The following TMEM62 variants were observed in gnomAD, a reference collection of about 807,000 sequenced individuals.
The protein encoded by TMEM62 is transmembrane protein 62.
A neutral mutation model predicts 70.4 loss-of-function variants in TMEM62; 41 were observed. The ratio of observed to expected loss-of-function variants is 0.58; its 90% confidence interval spans 0.45 to 0.76. The LOEUF (loss-of-function observed/expected upper bound fraction) is 0.76. Among genes scored for constraint, TMEM62 ranks in the 30% least tolerant of loss-of-function variants. TMEM62 has a pLI of 0.00. For missense variants in TMEM62, 688 were observed against 788.5 expected (o/e 0.87, Z 1.53); for synonymous variants, 268 against 291.0 (o/e 0.92, Z 0.80).
chr15:43,155,924 G>A (rs1301857953), intron 9 of TMEM62, among the ~76,000 whole-genome samples: 1 of 152,026 alleles, frequency 6.6e-6, no homozygotes, highest in African/African-American at 2.4e-5. Flanking sequence ...TCAATTTAGG[G>A]CATTTAATTT....
At position 43,133,755 on chromosome 15, in the gene TMEM62, C is replaced by G; in HGVS notation, c.-48C>G. ...CAAAGCGGCTCCCGGGAGCGCCGCG[C>G]GGTCCTGCGCGGGATCAGCGAGGGC... On this transcript the variant is annotated 5_prime_UTR_variant, in exon 1 of 14. Coordinates refer to ENST00000260403, the MANE Select transcript of TMEM62 (RefSeq NM_024956.4). The G allele has an allele frequency of 7.9e-7, 1 of 1,263,448 alleles. No individual in the cohort carries two copies. The highest frequency in any genetic ancestry group is 1.0e-6 in the Non-Finnish European group (1 of 996,888). The allele number at this position is 1,263,448 out of a possible 1,614,324, so 78.3% of individuals were successfully genotyped here.
At chr15:43,181,786 G>GC (rs1267965262) in intron 13 of TMEM62, among the ~76,000 whole-genome samples, 2 of 152,230 alleles carry the variant, frequency 1.3e-5, no homozygotes, top group Admixed American at 6.5e-5. Context: ...ATAGGCGTGA[G>GC]CCACCATGCC....
At chr15:43,134,497 G>A (rs1479416386) in intron 2 of TMEM62, 129 bp downstream of exon 2, 5 of 687,706 alleles carry the variant, frequency 7.3e-6, no homozygotes, top group African/African-American at 7.1e-5. Flanking sequence ...GCTCTGTGAG[G>A]TGGAAGAGAT....
At chr15:43,154,382 A>G (rs1157994850) in intron 8 of TMEM62, among the ~76,000 whole-genome samples, 2 of 152,230 alleles carry the variant, frequency 1.3e-5, no homozygotes, top group Non-Finnish European at 2.9e-5. Flanking sequence ...TTTCTTCAGA[A>G]AGAACTTTGA....
intron 9 of TMEM62, among the ~76,000 whole-genome samples, chr15:43,159,493 T>C (rs2038423669): frequency 6.6e-6 from 1 of 152,226 alleles, no homozygotes; most frequent in Non-Finnish European, 1.5e-5. Flanking sequence ...GAACAAGTGA[T>C]GTTTGTCTTT....
intron 11 of TMEM62, among the ~76,000 whole-genome samples, chr15:43,177,451 C>T (rs1226721687): frequency 6.6e-6 from 1 of 152,178 alleles, no homozygotes; most frequent in East Asian, 1.9e-4. Flanking sequence ...GGTGATTCTT[C>T]AGGGATCTAG....
chr15:43,138,774 G>T (rs926337213), intron 4 of TMEM62, among the ~76,000 whole-genome samples, 155 bp downstream of exon 4: 1 of 152,140 alleles, frequency 6.6e-6, no homozygotes, highest in Non-Finnish European at 1.5e-5. Context: ...GAGCTCAAAC[G>T]ATCCTCCTGC....
chr15:43,169,726 C>T (rs780820525), intron 11 of TMEM62, 49 bp downstream of exon 11: 5 of 1,468,564 alleles, frequency 3.4e-6, no homozygotes, highest in African/African-American at 1.4e-5. Context: ...ATGGAAAAAA[C>T]CAAACTCCGT....
chr15:43,157,880 A>G (rs566781295), intron 9 of TMEM62, among the ~76,000 whole-genome samples: 4 of 152,336 alleles, frequency 2.6e-5, no homozygotes, highest in South Asian at 2.1e-4. Context: ...ATAGATATGT[A>G]TATTTTCATT....
chr15:43,168,814 ACT>A (rs1354601435), intron 10 of TMEM62, among the ~76,000 whole-genome samples: 7 of 152,062 alleles, frequency 4.6e-5, no homozygotes, highest in Admixed American at 4.6e-4. Context: ...TTGTGGCTTG[ACT>A]GCCTTTCAAG....
intron 10 of TMEM62, among the ~76,000 whole-genome samples, chr15:43,167,716 C>A (rs982839554): frequency 6.6e-6 from 1 of 152,042 alleles, no homozygotes; most frequent in Admixed American, 6.5e-5. Context: ...ACTTCCCAGA[C>A]GGGGTGGCGG....
chr15:43,155,963 AATC>A (rs2038003959), intron 9 of TMEM62, among the ~76,000 whole-genome samples: 2 of 152,176 alleles, frequency 1.3e-5, no homozygotes, highest in African/African-American at 2.4e-5. Context: ...AGAAAATAAT[AATC>A]ATTACCAAAA....
chr15:43,174,311 T>G (rs1449750185), intron 11 of TMEM62, among the ~76,000 whole-genome samples: 1 of 152,226 alleles, frequency 6.6e-6, no homozygotes, highest in Non-Finnish European at 1.5e-5. Context: ...GATTAAGGAC[T>G]GATGATAGAG....
chr15:43,161,935 T>A (rs1469321793), intron 10 of TMEM62, among the ~76,000 whole-genome samples: 1 of 152,100 alleles, frequency 6.6e-6, no homozygotes, highest in Non-Finnish European at 1.5e-5. Flanking sequence ...GTGCTGGGAT[T>A]ACAGGCATGA....
chr15:43,181,275 A>G lies in TMEM62; in HGVS notation c.1581A>G (p.Ile527Met), dbSNP rs747318501. Residue 527 changes from isoleucine (I) to methionine (M), a missense_variant, in exon 13 of 14, where the codon ATA becomes ATG. Coordinates refer to ENST00000260403, the MANE Select transcript of TMEM62 (RefSeq NM_024956.4). ...ATGGACATTTCCTACAAGGCAGCAT[A>G]ACATTTATAATTGGAATTCTCCAGG... The part of the protein sequence containing the change: ...FVNGHFLQGS[I>M]TFIIGILQLA... 4.3e-6 allele frequency: 7 copies of G among 1,612,270 alleles called. No homozygotes were observed. In the South Asian group the frequency reaches 7.7e-5, roughly 18 times the overall value.
rs2037446483 is a variant in TMEM62 at position 43,151,958 on chromosome 15, T to G, written c.1022+13T>G. On this transcript the variant is annotated intron_variant, in intron 8 of 13. Transcript: ENST00000260403. ...CAACACACATCAGGTATGTAGCAAT[T>G]TTTTAGAATTTACTTTCAGTTTGAT... is the stretch of plus-strand genomic sequence containing the variant. The G allele has an allele frequency of 3.2e-6, 5 of 1,577,400 alleles. No individual in the cohort carries two copies. The highest frequency in any genetic ancestry group is 3.4e-6 in the Non-Finnish European group (4 of 1,162,202).
intron 10 of TMEM62, among the ~76,000 whole-genome samples, chr15:43,166,243 G>GTTTTC (rs1567220664): frequency 2.0e-5 from 3 of 152,156 alleles, no homozygotes; most frequent in Non-Finnish European, 4.4e-5. Context: ...AGAGTCTTTT[G>GTTTTC]TTTTCTTTTC....
chr15:43,162,914 T>C (rs1443837392), intron 10 of TMEM62, among the ~76,000 whole-genome samples: 1 of 151,814 alleles, frequency 6.6e-6, no homozygotes, highest in Non-Finnish European at 1.5e-5. Flanking sequence ...TTATATACTT[T>C]ACTATTTATA....
At chr15:43,163,973 G>A (rs2039077056) in intron 10 of TMEM62, among the ~76,000 whole-genome samples, 1 of 152,138 alleles carries the variant, frequency 6.6e-6, no homozygotes, top group Non-Finnish European at 1.5e-5. Context: ...TGAGAAGAAA[G>A]CAAAAGAAAA....
Sources: gnomAD v4.1 joint callset for allele counts (sites outside exome capture counted in the v4.1 genomes callset) on GRCh38, gnomAD v4.1.1 for gene constraint, MANE v1.5 for transcripts, NCBI Gene and HGNC (gene_info 2026-07-23, HGNC 2026-07-21) for gene names.